The following ADGB variants were observed in gnomAD, a reference collection of about 807,000 sequenced individuals.
ADGB encodes calpain-7-like protein.
ADGB carries 172 observed loss-of-function variants against 210.5 expected under a neutral mutation model. That is an observed-to-expected ratio of 0.82 (90% CI 0.72 to 0.93). The LOEUF (loss-of-function observed/expected upper bound fraction) is 0.93. ADGB is among the 40% of genes least tolerant of loss of function. The pLI is 0.00. For missense variants in ADGB, 2,025 were observed against 1,964.8 expected, an observed-to-expected ratio of 1.03 and a Z score of -0.58; for synonymous variants, 658 against 662.7, an observed-to-expected ratio of 0.99 and a Z score of 0.11.
At chr6:146,766,812 C>T (rs1035424701) in intron 28 of ADGB, among the ~76,000 whole-genome samples, 1 of 152,072 alleles carries the variant, frequency 6.6e-6, no homozygotes, top group Non-Finnish European at 1.5e-5. Flanking sequence ...TATTTATAAA[C>T]ATAGGTGATA....
intron 27 of ADGB, among the ~76,000 whole-genome samples, chr6:146,757,246 T>C (rs912141975): frequency 6.6e-6 from 1 of 152,008 alleles, no homozygotes; most frequent in African/African-American, 2.4e-5. Flanking sequence ...CAATGATATT[T>C]GCTATTTTAG....
At chr6:146,786,722 C>T (rs1354935583) in intron 32 of ADGB, among the ~76,000 whole-genome samples, 1 of 152,178 alleles carries the variant, frequency 6.6e-6, no homozygotes, top group Non-Finnish European at 1.5e-5. Context: ...CTCAAGTACT[C>T]ACTCCTCTAA....
At chr6:146,601,575 T>G (rs759143359) in intron 1 of ADGB, among the ~76,000 whole-genome samples, 4 of 152,224 alleles carry the variant, frequency 2.6e-5, no homozygotes, top group Non-Finnish European at 4.4e-5. Context: ...GATTGTTATT[T>G]AAAATACACC....
intron 33 of ADGB, among the ~76,000 whole-genome samples, chr6:146,789,001 A>C (rs1182320758): frequency 6.6e-6 from 1 of 152,202 alleles, no homozygotes; most frequent in Non-Finnish European, 1.5e-5. Context: ...AATTTTAAGA[A>C]TGTCATTTTT....
chr6:146,707,734 G>A (rs1776595527), intron 13 of ADGB, among the ~76,000 whole-genome samples: 1 of 152,028 alleles, frequency 6.6e-6, no homozygotes, highest in Non-Finnish European at 1.5e-5. Context: ...TCTTTAAGGT[G>A]AAGTAAGTCT....
chr6:146,689,818 G>A (rs925720541), intron 10 of ADGB, among the ~76,000 whole-genome samples: 5 of 151,946 alleles, frequency 3.3e-5, no homozygotes, highest in Non-Finnish European at 4.4e-5. Flanking sequence ...CTTAAAACTC[G>A]ACAGGGTTCA....
At chr6:146,702,488 G>T (rs755573253) in intron 13 of ADGB, among the ~76,000 whole-genome samples, 41 of 151,772 alleles carry the variant, frequency 2.7e-4, no homozygotes, top group Admixed American at 9.2e-4. Context: ...CAAATGTAAA[G>T]AAATCTTGCC....
intron 25 of ADGB, among the ~76,000 whole-genome samples, chr6:146,741,943 T>G (rs1321608604): frequency 6.6e-6 from 1 of 152,222 alleles, no homozygotes; most frequent in Non-Finnish European, 1.5e-5. Flanking sequence ...TTTCTGCAGC[T>G]TTATGTCTTT....
intron 1 of ADGB, among the ~76,000 whole-genome samples, chr6:146,622,750 T>A (rs951509678): frequency 1.3e-5 from 2 of 152,092 alleles, no homozygotes; most frequent in African/African-American, 4.8e-5. Context: ...ATAAATTTTT[T>A]ACTTAATGGA....
intron 28 of ADGB, 108 bp downstream of exon 28, chr6:146,764,208 G>A (rs1039471767): frequency 4.5e-5 from 41 of 909,358 alleles, no homozygotes; most frequent in Admixed American, 9.1e-5. Context: ...TGCTGCCAAT[G>A]TATAGCCAGA....
rs143160616 is a variant in ADGB at position 146,622,765 on chromosome 6, G to A, written c.75-12610G>A. Among the ~76,000 whole-genome samples, 509 of 152,038 alleles carry A rather than the reference G, an allele frequency of 3.3e-3. 2 individuals are homozygous for A. Among genetic ancestry groups the A allele is most frequent in the African/African-American group, 0.011 (470 of 41,502 alleles). On this transcript the variant is annotated intron_variant, in intron 1 of 35. Coordinates refer to ENST00000397944, the MANE Select transcript of ADGB (RefSeq NM_024694.4). ...ATAAATTTTTTACTTAATGGAATTT[G>A]TCTTTAATGTTATATTCAAGATATC...
At chr6:146,782,309 A>G in intron 30 of ADGB, 117 bp downstream of exon 30, 1 of 1,056,336 alleles carries the variant, frequency 9.5e-7, no homozygotes, top group Non-Finnish European at 1.3e-6. Flanking sequence ...CTGATTCCAG[A>G]AACCATCTAG....
In ADGB at chr6:146,733,182, C is replaced by A; in HGVS notation, c.2583C>A (p.Asn861Lys). The A allele has an allele frequency of 6.5e-7, 1 of 1,542,302 alleles. No homozygotes were observed. The highest frequency in any genetic ancestry group is 8.8e-7 in the Non-Finnish European group (1 of 1,141,450). Residue 861 changes from asparagine to lysine, a missense_variant, in exon 21 of 36, where the codon AAC (asparagine) becomes AAA (lysine). Asn to Lys is a moderately conservative substitution (Grantham distance 94). Coordinates refer to ENST00000397944, the MANE Select transcript of ADGB (RefSeq NM_024694.4). ...KKVQITKPPP[N>K]FKFAFRAMVL... The stretch of plus-strand genomic sequence containing the variant: ...TTCAAATAACAAAACCTCCTCCAAA[C>A]TTCAAATTTGCATTCCGGGCTATGG...
chr6:146,612,679 G>A (rs1426300815), intron 1 of ADGB, among the ~76,000 whole-genome samples: 1 of 152,020 alleles, frequency 6.6e-6, no homozygotes, highest in East Asian at 1.9e-4. Flanking sequence ...TTTATACGTA[G>A]TGCTGTCAGT....
chr6:146,649,653 G>A (rs576557212), intron 3 of ADGB, among the ~76,000 whole-genome samples: 15 of 151,912 alleles, frequency 9.9e-5, no homozygotes, highest in Non-Finnish European at 1.6e-4. Context: ...ACCATGCCCA[G>A]ATAATTTTTC....
intron 10 of ADGB, among the ~76,000 whole-genome samples, chr6:146,686,876 T>G (rs1383662455): frequency 6.6e-6 from 1 of 152,178 alleles, no homozygotes; most frequent in Non-Finnish European, 1.5e-5. Flanking sequence ...GAAAGAGCTA[T>G]GTTTTAAAAC....
intron 1 of ADGB, among the ~76,000 whole-genome samples, chr6:146,619,558 T>G (rs185748642): frequency 6.6e-6 from 1 of 152,188 alleles, no homozygotes; most frequent in African/African-American, 2.4e-5. Flanking sequence ...TTTTGCTTTA[T>G]GGTTACCATG....
At chr6:146,661,788 C>G (rs1345520051) in intron 5 of ADGB, among the ~76,000 whole-genome samples, 3 of 152,044 alleles carry the variant, frequency 2.0e-5, no homozygotes, top group Non-Finnish European at 4.4e-5. Context: ...TTGAGACACT[C>G]TAATGATGAC....
At chr6:146,627,899 A>G (rs1781001600) in intron 1 of ADGB, among the ~76,000 whole-genome samples, 1 of 152,098 alleles carries the variant, frequency 6.6e-6, no homozygotes, top group Admixed American at 6.6e-5. Flanking sequence ...TGTGGTCGTT[A>G]AAGGGCTCAC....
Sources: gnomAD v4.1 joint callset for allele counts (sites outside exome capture counted in the v4.1 genomes callset) on GRCh38, gnomAD v4.1.1 for gene constraint, MANE v1.5 for transcripts, NCBI Gene and HGNC (gene_info 2026-07-23, HGNC 2026-07-21) for gene names.